Variants in IPO9 observed in about 807,000 individuals in gnomAD.
The protein encoded by IPO9 is importin 9, also known as importin-9.
IPO9 carries 28 observed loss-of-function variants against 128.6 expected under a neutral mutation model. The observed-to-expected ratio is 0.22, with a 90% CI of 0.16 to 0.30. IPO9 has a LOEUF of 0.30. Ranked by LOEUF, IPO9 falls within the 10% of genes least tolerant of loss-of-function variation. IPO9 has a pLI of 1.00. For missense variants in IPO9, 935 were observed against 1,293.9 expected, an observed-to-expected ratio of 0.72 and a Z score of 4.26; for synonymous variants, 455 against 475.8, an observed-to-expected ratio of 0.96 and a Z score of 0.57.
chr1:201,846,342 A>G (rs1476491122), intron 1 of IPO9, among the ~76,000 whole-genome samples: 2 of 152,110 alleles, frequency 1.3e-5, no homozygotes, highest in Non-Finnish European at 2.9e-5. Flanking sequence ...TCAGGAATAG[A>G]TGGTCCCATG....
chr1:201,871,032 A>C, intron 18 of IPO9, 129 bp from the exon 19 acceptor site: 1 of 1,276,110 alleles, frequency 7.8e-7, no homozygotes. Flanking sequence ...GAAATCTCCC[A>C]TGTTTTCTTG....
At chr1:201,832,953 C>A (rs1381608260) in intron 1 of IPO9, among the ~76,000 whole-genome samples, 1 of 152,126 alleles carries the variant, frequency 6.6e-6, no homozygotes, top group Non-Finnish European at 1.5e-5. Context: ...CATGCTGTGA[C>A]CAAATTGTAC....
In IPO9 at chr1:201,876,874, C is replaced by T. The variant is rs1222888703; in HGVS notation, c.*820C>T. The T allele has an allele frequency of 2.0e-5, 3 of 152,562 alleles. No homozygotes were observed. Among genetic ancestry groups the T allele is most frequent in the Non-Finnish European group, 4.4e-5 (3 of 68,060 alleles). The allele number at this position is 152,562 out of a possible 1,614,324, so 9.5% of individuals were successfully genotyped here. On this transcript the variant is annotated 3_prime_UTR_variant, in exon 24 of 24. Coordinates refer to ENST00000361565, the MANE Select transcript of IPO9 (RefSeq NM_018085.5). The stretch of plus-strand genomic sequence containing the variant: ...GATATTCAAAGGTTATCCCCTTTCC[C>T]TCAGGAAGCCTCTAAAGTGCTTAAG...
chr1:201,877,072 T>C lies in IPO9; in HGVS notation c.*1018T>C, dbSNP rs1680778374. 1 of 152,406 alleles carries C rather than the reference T, an allele frequency of 6.6e-6. No individual in the cohort carries two copies. Among genetic ancestry groups the C allele is most frequent in the Non-Finnish European group, 1.5e-5 (1 of 68,034 alleles). The allele number at this position is 152,406 out of a possible 1,614,324, so 9.4% of individuals were successfully genotyped here. On this transcript the variant is annotated 3_prime_UTR_variant, in exon 24 of 24. Transcript: ENST00000361565. ...TTAGGTGGAGCCTGTCTAAACATTC[T>C]AGTGTGTCTTGGCAAACATAGCCTG...
rs765478246 is a variant in IPO9 at position 201,876,202 on chromosome 1, T to G, written c.*148T>G. On this transcript the variant is annotated 3_prime_UTR_variant, in exon 24 of 24. Coordinates refer to ENST00000361565, the MANE Select transcript of IPO9 (RefSeq NM_018085.5). ...CCTCGGCAGTGACACTGATGACAATTCAGACCAGGCTCACCGGTGCCGTCA... is the reference window on the plus strand; with the variant it reads ...CCTCGGCAGTGACACTGATGACAATGCAGACCAGGCTCACCGGTGCCGTCA... 30 of 749,412 alleles carry G rather than the reference T, an allele frequency of 4.0e-5. No individual in the cohort carries two copies. The African/African-American group carries it at 4.6e-4, about 12-fold the overall frequency. 46.4% of individuals were successfully genotyped at this position (749,412 alleles called of 1,614,324 possible).
At chr1:201,851,197 T>A (rs1175572152) in intron 4 of IPO9, among the ~76,000 whole-genome samples, 3 of 148,916 alleles carry the variant, frequency 2.0e-5, no homozygotes, top group Non-Finnish European at 3.0e-5. Context: ...TTTTTTTTTT[T>A]AAATGTACTG....
rs1680266394 is a variant in IPO9 at position 201,853,638 on chromosome 1, C to A, written c.690+541C>A. ...TGATCATAGCTCACTGCAGCCTCAA[C>A]CTCCCAGGTTCAAGCAATCCTCTCA... is the stretch of plus-strand genomic sequence containing the variant. On this transcript the variant is annotated intron_variant, in intron 6 of 23. Coordinates refer to ENST00000361565, the MANE Select transcript of IPO9 (RefSeq NM_018085.5). Among the ~76,000 whole-genome samples the A allele has an allele frequency of 2.0e-5, 3 of 152,142 alleles. No homozygotes were observed. In the South Asian group the frequency reaches 6.2e-4, roughly 31 times the overall value.
intron 1 of IPO9, among the ~76,000 whole-genome samples, chr1:201,845,052 T>C (rs561303959): frequency 4.6e-5 from 7 of 152,178 alleles, no homozygotes; most frequent in Admixed American, 2.0e-4. Context: ...GTTTCCCTCT[T>C]GTTGCCCAGG....
At chr1:201,836,754 T>A (rs191070758) in intron 1 of IPO9, among the ~76,000 whole-genome samples, 14 of 152,318 alleles carry the variant, frequency 9.2e-5, no homozygotes, top group Middle Eastern at 3.4e-3. Context: ...TTTCCCTCTT[T>A]CATCCCCCTA....
chr1:201,855,093 C>T, intron 8 of IPO9, 31 bp from the exon 9 acceptor site: 3 of 1,471,268 alleles, frequency 2.0e-6, no homozygotes, highest in East Asian at 2.3e-5. Flanking sequence ...AAAGCAGACT[C>T]CAAATTCTAT....
At chr1:201,859,627 T>C (rs12119907) in intron 13 of IPO9, among the ~76,000 whole-genome samples, 45,549 of 152,008 alleles carry the variant, frequency 0.3, 7,526 homozygotes, top group East Asian at 0.41. Flanking sequence ...ATAATTAAAA[T>C]GTTCCATTCT....
intron 19 of IPO9, among the ~76,000 whole-genome samples, chr1:201,871,574 G>T (rs557763428): frequency 6.6e-6 from 1 of 151,938 alleles, no homozygotes; most frequent in East Asian, 1.9e-4. Context: ...TGTGTTTTTA[G>T]TAGAGAGAGG....
At chr1:201,857,375 G>T (rs1405758377) in intron 11 of IPO9, among the ~76,000 whole-genome samples, 181 bp downstream of exon 11, 1 of 152,166 alleles carries the variant, frequency 6.6e-6, no homozygotes, top group Admixed American at 6.5e-5. Flanking sequence ...TAAAATCATT[G>T]CTACTGGTTC....
chr1:201,836,401 A>G (rs1679923451), intron 1 of IPO9, among the ~76,000 whole-genome samples: 1 of 152,034 alleles, frequency 6.6e-6, no homozygotes, highest in African/African-American at 2.4e-5. Context: ...TTGTTTTTTA[A>G]TTGAGACAAG....
chr1:201,878,109 A>G lies in IPO9; in HGVS notation c.*2055A>G, dbSNP rs1200844603. The stretch of plus-strand genomic sequence containing the variant: ...TACTACCTTTGAGAAGCCTGCGGGC[A>G]TGTTCACAGTCGTCCCATGCCAGCC... On this transcript the variant is annotated 3_prime_UTR_variant, in exon 24 of 24. Coordinates refer to ENST00000361565, the MANE Select transcript of IPO9 (RefSeq NM_018085.5). 4 of 152,198 alleles carry G rather than the reference A, an allele frequency of 2.6e-5. No homozygotes were observed. The highest frequency in any genetic ancestry group is 5.9e-5 in the Non-Finnish European group (4 of 68,034). The allele number at this position is 152,198 out of a possible 1,614,324, so 9.4% of individuals were successfully genotyped here. A position where few individuals can be genotyped will look rare whatever the true frequency, so the allele number is the denominator to read the frequency against.
chr1:201,858,472 A>G lies in IPO9; in HGVS notation c.1247A>G (p.Glu416Gly). Residue 416 changes from glutamate (E) to glycine (G), a missense_variant, in exon 12 of 24, where the codon GAA (glutamate) becomes GGA (glycine). Around this residue, in one of 3 missense-constraint regions of IPO9, gnomAD observed 741 missense variants for 1,019.1 expected, o/e 0.73. Coordinates refer to ENST00000361565, the MANE Select transcript of IPO9 (RefSeq NM_018085.5). The stretch of plus-strand genomic sequence containing the variant: ...GCTGTGGCCACAGATTTCCAGAATG[A>G]AAGTGCAGCAGCCCTGGCTGCTGCA... ...LLAVATDFQN[E>G]SAAALAAAAT... The G allele has an allele frequency of 6.3e-7, 1 of 1,579,416 alleles. No homozygotes were observed. The highest frequency in any genetic ancestry group is 1.4e-5 in the African/African-American group (1 of 72,826).
intron 6 of IPO9, 82 bp from the exon 7 acceptor site, chr1:201,854,513 T>G (rs899084651): frequency 1.3e-6 from 2 of 1,539,606 alleles, no homozygotes; most frequent in Non-Finnish European, 1.8e-6. Flanking sequence ...TAGGTGCCTT[T>G]CAAATATCAG....
In IPO9 at chr1:201,855,178, T is replaced by C; in HGVS notation, c.966T>C (p.Ser322=). 7 of 1,586,166 alleles carry C rather than the reference T, an allele frequency of 4.4e-6. No homozygotes were observed. Among genetic ancestry groups the C allele is most frequent in the Non-Finnish European group, 6.1e-6 (7 of 1,155,314 alleles). The part of the protein sequence containing the change: ...YTEEVEDPVD[S]DGEVLGFENL... ...AAGAAGTAGAAGATCCTGTGGATTC[T>C]GATGGTATGTAGTTTATTTGATCTT... The change falls in exon 9 of 24, where the codon TCT becomes TCC. Residue 322 remains serine (S), a synonymous_variant. Transcript: ENST00000361565.
In IPO9 at chr1:201,863,469, G is replaced by A. The variant is rs149435747; in HGVS notation, c.1490G>A (p.Arg497Gln). The A allele has an allele frequency of 1.4e-5, 22 of 1,578,964 alleles. No homozygotes were observed. The highest frequency in any genetic ancestry group is 4.5e-5 in the South Asian group (4 of 88,184). ...CCAGTGTCTCCTTTCCTCTTGGGCC[G>A]GGCACTTTGGGCTGCCAGTCGGTTC... The part of the protein sequence containing the change: ...NLSVSPFLLG[R>Q]ALWAASRFTV... The change falls in exon 14 of 24, where the codon CGG becomes CAG. Residue 497 changes from arginine to glutamine, a missense_variant. This residue lies in a region of IPO9 where 741 missense variants were observed against 1,019.1 expected (regional missense o/e 0.73). Transcript: ENST00000361565.
Sources: allele counts gnomAD v4.1 joint callset (sites outside exome capture counted in the v4.1 genomes callset), GRCh38; gene constraint gnomAD v4.1.1; regional missense constraint gnomAD v4.1.1; transcripts MANE v1.5; gene names NCBI Gene and HGNC (gene_info 2026-07-23, HGNC 2026-07-21).